The following SUN5 variants were observed in gnomAD, a reference collection of about 807,000 sequenced individuals.
SUN5 encodes SUN domain-containing protein 5.
SUN5 carries 44 observed loss-of-function variants against 53.7 expected under a neutral mutation model. That is an observed-to-expected ratio of 0.82 (90% CI 0.64 to 1.05). SUN5 has a LOEUF of 1.05. SUN5 is among the 50% of genes least tolerant of loss of function. SUN5 has a pLI of 0.00. For synonymous variants in SUN5, 166 were observed against 179.8 expected (o/e 0.92, Z 0.62); for missense variants, 433 against 483.8 (o/e 0.90, Z 0.98).
At chr20:32,993,993 G>A (rs1039762968) in intron 8 of SUN5, among the ~76,000 whole-genome samples, 1 of 152,204 alleles carries the variant, frequency 6.6e-6, no homozygotes, top group Non-Finnish European at 1.5e-5. Flanking sequence ...ATCCAAGTTT[G>A]CTCCTGGCGG....
intron 10 of SUN5, 37 bp downstream of exon 10, chr20:32,987,623 C>A (rs1013618811): frequency 2.0e-6 from 3 of 1,523,248 alleles, no homozygotes; most frequent in Non-Finnish European, 2.7e-6. Context: ...CCGGACCACT[C>A]CCCTGCCGCT....
chr20:32,990,410 A>G (rs1989680253), intron 8 of SUN5, among the ~76,000 whole-genome samples: 1 of 152,180 alleles, frequency 6.6e-6, no homozygotes, highest in South Asian at 2.1e-4. Context: ...TTTTCCAAAA[A>G]TGGCTGCAAC....
chr20:33,004,349 T>C lies in SUN5; in HGVS notation c.-9A>G. The stretch of plus-strand genomic sequence containing the variant: ...CTTGAGGACCGTGGCATCGATTTCC[T>C]TCTTTAGGATTGGGGATGGAGATGG... On this transcript the variant is annotated 5_prime_UTR_variant, in exon 1 of 13. Transcript: ENST00000356173. 6.4e-7 allele frequency: 1 copy of C among 1,553,230 alleles called. No individual in the cohort carries two copies. Among genetic ancestry groups the C allele is most frequent in the Admixed American group, 2.0e-5 (1 of 51,110 alleles).
rs894749519 is a variant in SUN5 at position 32,996,433 on chromosome 20, A to G, written c.391-75T>C. 10 of 1,341,196 alleles carry G rather than the reference A, an allele frequency of 7.5e-6. No individual in the cohort carries two copies. In the Admixed American group the frequency reaches 1.2e-4, roughly 17 times the overall value. The allele number at this position is 1,341,196 out of a possible 1,614,324, so 83.1% of individuals were successfully genotyped here. ...GGCCCCAGGAGAACTTCATCCATCT[A>G]TTCTCCCACAATTATAAACCCATAC... On this transcript the variant is annotated intron_variant, in intron 6 of 12. Transcript: ENST00000356173.
At chr20:32,989,387 AG>A (rs1989644447) in intron 9 of SUN5, among the ~76,000 whole-genome samples, 3 of 152,190 alleles carry the variant, frequency 2.0e-5, no homozygotes, top group South Asian at 4.2e-4. Context: ...TATAATGTTG[AG>A]GGCCTGTGGA....
chr20:32,985,042 C>T, intron 12 of SUN5, 57 bp downstream of exon 12: 1 of 1,576,516 alleles, frequency 6.3e-7, no homozygotes, highest in Non-Finnish European at 8.7e-7. Context: ...TCCCTGGGTA[C>T]AGACTGCACA....
chr20:32,995,167 A>G (rs926110734), intron 8 of SUN5, among the ~76,000 whole-genome samples: 24 of 152,228 alleles, frequency 1.6e-4, no homozygotes, highest in African/African-American at 5.8e-4. Context: ...CTATTGAAAA[A>G]TATCAACCCA....
At chr20:33,003,618 T>G (rs1384728015) in intron 1 of SUN5, among the ~76,000 whole-genome samples, 1 of 152,218 alleles carries the variant, frequency 6.6e-6, no homozygotes, top group African/African-American at 2.4e-5. Flanking sequence ...CTTTAAACAT[T>G]TTTGTTTATA....
chr20:33,002,998 A>C lies in SUN5; in HGVS notation c.78-79T>G, dbSNP rs567164449. ...CCTTGGAATGTGCATACCACGTTCC[A>C]GATTGGGAAACTGAGGTACAGAGAA... On this transcript the variant is annotated intron_variant, in intron 1 of 12. Transcript: ENST00000356173. 42 of 1,528,102 alleles carry C rather than the reference A, an allele frequency of 2.7e-5. No individual in the cohort carries two copies. The African/African-American group carries it at 5.5e-4, about 20-fold the overall frequency. 94.7% of individuals were successfully genotyped at this position (1,528,102 alleles called of 1,614,324 possible).
chr20:32,996,229 C>T, intron 7 of SUN5, 95 bp downstream of exon 7: 1 of 1,303,240 alleles, frequency 7.7e-7, no homozygotes, highest in Non-Finnish European at 1.1e-6. Flanking sequence ...GTTGATCTGA[C>T]TGCAGAGCCT....
At chr20:33,001,415 A>T in intron 3 of SUN5, 137 bp from the exon 4 acceptor site, 1 of 917,542 alleles carries the variant, frequency 1.1e-6, no homozygotes, top group Non-Finnish European at 1.7e-6. Context: ...AGCCTGGGAC[A>T]GAACCAGGCT....
intron 8 of SUN5, 62 bp downstream of exon 8, chr20:32,995,557 A>AG: frequency 7.0e-7 from 1 of 1,422,674 alleles, no homozygotes; most frequent in South Asian, 1.2e-5. Context: ...CTTGAGGTAT[A>AG]GGAAACAGGA....
intron 3 of SUN5, 77 bp downstream of exon 3, chr20:33,002,510 G>C: frequency 1.3e-6 from 2 of 1,486,190 alleles, no homozygotes; most frequent in South Asian, 1.1e-5. Context: ...GCCACCCCCA[G>C]GTCAGCCTGG....
intron 8 of SUN5, among the ~76,000 whole-genome samples, chr20:32,990,209 C>CACA (rs560026054): frequency 7.6e-4 from 116 of 152,282 alleles, no homozygotes; most frequent in African/African-American, 2.7e-3. Flanking sequence ...AATACTGAGG[C>CACA]ACAAAGGTGT....
chr20:32,988,359 G>C (rs1989607226), intron 9 of SUN5, among the ~76,000 whole-genome samples: 2 of 152,174 alleles, frequency 1.3e-5, no homozygotes, highest in South Asian at 4.1e-4. Flanking sequence ...CTGCCTGGTA[G>C]GGGTTTGCGT....
chr20:32,996,532 C>T (rs918036505), intron 6 of SUN5, among the ~76,000 whole-genome samples, 174 bp from the exon 7 acceptor site: 1 of 152,182 alleles, frequency 6.6e-6, no homozygotes, highest in Non-Finnish European at 1.5e-5. Flanking sequence ...ATTTACTGCC[C>T]TTTTTATTCA....
At chr20:32,986,937 G>A (rs933654617) in intron 10 of SUN5, among the ~76,000 whole-genome samples, 4 of 152,154 alleles carry the variant, frequency 2.6e-5, no homozygotes, top group East Asian at 1.9e-4. Flanking sequence ...CCCTTGCCCC[G>A]TCCAAGCTGA....
chr20:32,988,077 A>G (rs545512371), intron 9 of SUN5, among the ~76,000 whole-genome samples: 89 of 151,920 alleles, frequency 5.9e-4, no homozygotes, highest in Non-Finnish European at 1.1e-3. Context: ...CATGGTGGCT[A>G]TTATTAGCAG....
At chr20:32,985,571 C>T (rs1339157359) in intron 11 of SUN5, among the ~76,000 whole-genome samples, 165 bp downstream of exon 11, 1 of 152,150 alleles carries the variant, frequency 6.6e-6, no homozygotes, top group Non-Finnish European at 1.5e-5. Flanking sequence ...CCCTTGAAGG[C>T]TGAAATTGGA....
Sources: allele counts gnomAD v4.1 joint callset (sites outside exome capture counted in the v4.1 genomes callset), GRCh38; gene constraint gnomAD v4.1.1; transcripts MANE v1.5; gene names NCBI Gene and HGNC (gene_info 2026-07-23, HGNC 2026-07-21).